CLIC2: variants seen among roughly 807,000 people sequenced by gnomAD.
CLIC2 encodes chloride intracellular channel protein 2.
In CLIC2, 9 loss-of-function variants were observed where a neutral mutation model predicts 14.8. That is an observed-to-expected ratio of 0.61 (90% confidence interval 0.37 to 1.06). The LOEUF is 1.06. CLIC2 is among the 50% of genes least tolerant of loss of function. CLIC2 has a pLI of 0.01. For missense variants in CLIC2, 148 were observed against 181.4 expected (o/e 0.82, Z 1.06); for synonymous variants, 61 against 66.3 (o/e 0.92, Z 0.39).
intron 4 of CLIC2, 55 bp downstream of exon 4, chrX:155,279,907 G>T: frequency 2.4e-6 from 2 of 845,960 alleles, no homozygotes; most frequent in Non-Finnish European, 3.5e-6. Flanking sequence ...TATTTTTGCT[G>T]AGTGAGAAGA....
chrX:155,327,771 T>G (rs2075143579), intron 1 of CLIC2, among the ~76,000 whole-genome samples: 1 of 111,355 alleles, frequency 9.0e-6, no homozygotes, highest in African/African-American at 3.3e-5. Context: ...ACCCCTGTAC[T>G]TAAAAGTGAA....
Position 155,299,031 on chromosome X carries a change from C to T in CLIC2, c.167+5G>A. ...TAGAATTTAACATGTCCTGATTTCT[C>T]TTACCTGGTCATGTCAACAGTTGTC... On this transcript the variant is annotated splice_donor_5th_base_variant and intron_variant, in intron 2 of 5. Transcript: ENST00000369449. 1 of 1,195,104 alleles carries T rather than the reference C, an allele frequency of 8.4e-7. No homozygotes were observed. Among genetic ancestry groups the T allele is most frequent in the Admixed American group, 2.2e-5 (1 of 45,977 alleles).
Position 155,276,554 on chromosome X carries a change from T to G in CLIC2, c.*1349A>C, listed in dbSNP as rs2074899135. The G allele has an allele frequency of 9.0e-6, 1 of 111,699 alleles. No individual in the cohort carries two copies. Among genetic ancestry groups the G allele is most frequent in the African/African-American group, 3.2e-5 (1 of 30,782 alleles). The allele number at this position is 111,699 out of a possible 1,213,427, so 9.2% of individuals were successfully genotyped here. A position where few individuals can be genotyped will look rare whatever the true frequency, so the allele number is the denominator to read the frequency against. On this transcript the variant is annotated 3_prime_UTR_variant, in exon 6 of 6. Coordinates refer to ENST00000369449, the MANE Select transcript of CLIC2 (RefSeq NM_001289.6). The stretch of plus-strand genomic sequence containing the variant: ...TCTCCCTAGCCCCTGGTAACCACGA[T>G]TCTACCCTCTACTTGTGTGAGATCA...
chrX:155,292,290 T>C, intron 3 of CLIC2: 1 of 570,821 alleles, frequency 1.8e-6, no homozygotes. Context: ...CCAAATGTCA[T>C]TACTGAAACT....
At chrX:155,282,566 C>T (rs1252767406) in intron 3 of CLIC2, among the ~76,000 whole-genome samples, 1 of 111,126 alleles carries the variant, frequency 9.0e-6, no homozygotes, top group Non-Finnish European at 1.9e-5. Context: ...TCCAGGCCAT[C>T]CCTGCAGATG....
chrX:155,292,826 C>G, intron 3 of CLIC2: 1 of 914,093 alleles, frequency 1.1e-6, no homozygotes, highest in Non-Finnish European at 1.6e-6. Flanking sequence ...AAAAAAGCAG[C>G]AACTTAAACC....
intron 1 of CLIC2, among the ~76,000 whole-genome samples, chrX:155,299,617 G>T (rs1163212464): frequency 1.9e-5 from 2 of 107,669 alleles, no homozygotes; most frequent in Admixed American, 2.0e-4. Context: ...GGGTACATGT[G>T]CACATTGTGC....
Position 155,286,056 on chromosome X carries a change from T to C in CLIC2, c.294-5988A>G, listed in dbSNP as rs1211630173. ...GTGAACTCATGTCATGGGAATTTGC[T>C]GTACAGATTATTTCATCACCAAGGT... On this transcript the variant is annotated intron_variant, in intron 3 of 5. Transcript: ENST00000369449. Among the ~76,000 whole-genome samples the C allele has an allele frequency of 2.7e-5, 3 of 111,748 alleles. No homozygotes were observed. The Admixed American group carries it at 2.8e-4, about 11-fold the overall frequency.
intron 3 of CLIC2, chrX:155,290,712 T>A (rs1357433001): frequency 2.5e-6 from 2 of 786,752 alleles, no homozygotes; most frequent in Non-Finnish European, 3.9e-6. Flanking sequence ...CTTTGGCAAA[T>A]CTTTTAGTTC....
chrX:155,306,131 A>G (rs2075054611), intron 1 of CLIC2, among the ~76,000 whole-genome samples: 1 of 112,014 alleles, frequency 8.9e-6, no homozygotes, highest in Non-Finnish European at 1.9e-5. Context: ...TGTCCCCTCC[A>G]AATCTCATGT....
intron 3 of CLIC2, chrX:155,292,671 G>C: frequency 3.3e-6 from 1 of 300,375 alleles, no homozygotes; most frequent in Non-Finnish European, 5.8e-6. Flanking sequence ...TGGGGAGGCT[G>C]AGGCAGGAGA....
chrX:155,282,803 G>C (rs1015818716), intron 3 of CLIC2, among the ~76,000 whole-genome samples: 1 of 111,583 alleles, frequency 9.0e-6, no homozygotes, highest in South Asian at 3.8e-4. Flanking sequence ...GCTCCAGGCT[G>C]GCCTTCACAC....
intron 1 of CLIC2, among the ~76,000 whole-genome samples, chrX:155,325,790 ATATATATATATATATATG>A (rs1451002163): frequency 2.5e-4 from 22 of 88,204 alleles, no homozygotes; most frequent in African/African-American, 9.1e-4. Flanking sequence ...ATATATATAT[ATATATATATATATATATG>A]CACACATACA....
At chrX:155,320,765 C>A (rs2075111434) in intron 1 of CLIC2, among the ~76,000 whole-genome samples, 1 of 110,588 alleles carries the variant, frequency 9.0e-6, no homozygotes, top group African/African-American at 3.3e-5. Flanking sequence ...CAAACTCGTC[C>A]AAGATAAAGG....
intron 1 of CLIC2, among the ~76,000 whole-genome samples, chrX:155,304,689 GT>G (rs1266403778): frequency 9.9e-6 from 1 of 101,407 alleles, no homozygotes; most frequent in Non-Finnish European, 2.0e-5. Flanking sequence ...TTTCTGTTCT[GT>G]TTTTTCCCCA....
chrX:155,305,377 G>A (rs1281407270), intron 1 of CLIC2, among the ~76,000 whole-genome samples: 2 of 112,513 alleles, frequency 1.8e-5, no homozygotes, highest in Non-Finnish European at 3.8e-5. Flanking sequence ...CTCAGAAAGG[G>A]AACTCCCTGA....
intron 1 of CLIC2, among the ~76,000 whole-genome samples, chrX:155,314,961 G>C (rs185788891): frequency 1.5e-3 from 173 of 111,635 alleles, no homozygotes; most frequent in African/African-American, 5.4e-3. Flanking sequence ...AAATGCACTG[G>C]AAAGTCTCAG....
chrX:155,287,198 C>T (rs781938598), intron 3 of CLIC2, among the ~76,000 whole-genome samples: 1 of 112,125 alleles, frequency 8.9e-6, no homozygotes, highest in South Asian at 3.7e-4. Context: ...AGCCCAGCAC[C>T]ATTTATTGAA....
At chrX:155,310,496 C>T in intron 1 of CLIC2, 1 of 240,501 alleles carries the variant, frequency 4.2e-6, no homozygotes. Context: ...CCTTGGGCAG[C>T]TCTGCCCCTG....
Sources: allele counts gnomAD v4.1 joint callset (sites outside exome capture counted in the v4.1 genomes callset), GRCh38; gene constraint gnomAD v4.1.1; transcripts MANE v1.5; gene names NCBI Gene and HGNC (gene_info 2026-07-23, HGNC 2026-07-21).